NAGK: variants seen among roughly 807,000 people sequenced by gnomAD.
NAGK encodes the protein N-acetylglucosamine kinase.
A neutral mutation model predicts 42.9 loss-of-function variants in NAGK; 35 were observed. The observed-to-expected ratio is 0.82, with a 90% CI of 0.62 to 1.08. NAGK has a LOEUF of 1.08. Ranked by LOEUF, NAGK falls within the 50% of genes least tolerant of loss-of-function variation. The pLI, the probability that NAGK is intolerant of heterozygous loss-of-function variation, is 0.00. For synonymous variants in NAGK, 172 were observed against 176.0 expected (o/e 0.98, Z 0.18); for missense variants, 446 against 446.0 (o/e 1.00, Z 0.00).
chr2:71,071,341 A>C, intron 3 of NAGK: 1 of 324,736 alleles, frequency 3.1e-6, no homozygotes, highest in Non-Finnish European at 5.7e-6. Flanking sequence ...GATGTTCTGC[A>C]GACACAGGCA....
In NAGK at chr2:71,076,590, C is replaced by T; in HGVS notation, c.668-14C>T. On this transcript the variant is annotated splice_polypyrimidine_tract_variant and intron_variant, in intron 7 of 9. Transcript: ENST00000244204. Reference sequence around the variant, plus strand: ...TTTCTCACCAGTTTCCTTCTTCCGTCCTCCCTACCCCAGGTGCTCAGCAGG... The same window carrying T: ...TTTCTCACCAGTTTCCTTCTTCCGTTCTCCCTACCCCAGGTGCTCAGCAGG... The T allele has an allele frequency of 6.3e-7, 1 of 1,595,510 alleles. No homozygotes were observed.
At position 71,068,672 on chromosome 2, in the gene NAGK, G is replaced by C; in HGVS notation, c.-12G>C. 6.6e-7 allele frequency: 1 copy of C among 1,520,148 alleles called. No homozygotes were observed. Among genetic ancestry groups the C allele is most frequent in the Non-Finnish European group, 8.8e-7 (1 of 1,133,884 alleles). The allele number at this position is 1,520,148 out of a possible 1,614,324, so 94.2% of individuals were successfully genotyped here. On this transcript the variant is annotated 5_prime_UTR_variant, in exon 1 of 10. Transcript: ENST00000244204. Reference sequence around the variant, plus strand: ...CGCAAACGGCGGGACCAGCAGCGACGGTAGCAGCAGCATGGCCGCGATCTA... The same window carrying C: ...CGCAAACGGCGGGACCAGCAGCGACCGTAGCAGCAGCATGGCCGCGATCTA...
chr2:71,078,068 C>T (rs765249772), intron 9 of NAGK, among the ~76,000 whole-genome samples: 4 of 152,206 alleles, frequency 2.6e-5, no homozygotes, highest in African/African-American at 4.8e-5. Context: ...AGCTCAAGGA[C>T]TCCCATTGCT....
rs1312193773 is a variant in NAGK, at chr2:71,071,706, G to C, written c.234G>C (p.Gly78=). 6.2e-7 allele frequency: 1 copy of C among 1,613,550 alleles called. No individual in the cohort carries two copies. Among genetic ancestry groups the C allele is most frequent in the East Asian group, 2.2e-5 (1 of 44,874 alleles). Reference sequence around the variant, plus strand: ...CCTAGGGCCTATCTCTGAGCGGTGGGGACCAGGAGGACGCGGGGAGGATCC... The same window carrying C: ...CCTAGGGCCTATCTCTGAGCGGTGGCGACCAGGAGGACGCGGGGAGGATCC... ...LRSLGLSLSG[G]DQEDAGRILI... The change falls in exon 4 of 10, where the codon GGG becomes GGC. Residue 78 remains glycine (G), a synonymous_variant. Transcript: ENST00000244204.
intron 8 of NAGK, among the ~76,000 whole-genome samples, chr2:71,077,083 C>A (rs886268198): frequency 1.1e-4 from 16 of 152,176 alleles, no homozygotes; most frequent in African/African-American, 3.9e-4. Flanking sequence ...TCAAGTGATT[C>A]TCGTATCTCA....
chr2:71,077,352 C>T (rs1324949488), intron 8 of NAGK, among the ~76,000 whole-genome samples: 1 of 152,190 alleles, frequency 6.6e-6, no homozygotes, highest in Admixed American at 6.5e-5. Flanking sequence ...TGTTGCTTAA[C>T]GCTTTTTCCT....
At chr2:71,068,576 G>T, upstream of NAGK, 1 of 1,520,012 alleles carries the variant, frequency 6.6e-7, no homozygotes, top group South Asian at 1.2e-5. Flanking sequence ...TCAGCTGGCT[G>T]CGCGGGAGGT....
In NAGK at chr2:71,072,695, A is replaced by T. The variant is rs1180698312; in HGVS notation, c.410A>T (p.Asp137Val). The T allele has an allele frequency of 6.2e-7, 1 of 1,614,026 alleles. No individual in the cohort carries two copies. The highest frequency in any genetic ancestry group is 1.3e-5 in the African/African-American group (1 of 74,902). Residue 137 changes from aspartate (D) to valine (V), a missense_variant, in exon 5 of 10, where the codon GAT becomes GTT. By Grantham distance (152) the Asp-to-Val change is radical. Coordinates refer to ENST00000244204, the MANE Select transcript of NAGK (RefSeq NM_017567.6). ...TCCAACTGCAGGCTCATCAACCCTG[A>T]TGGCTCCGAGAGTGGCTGCGGCGGC... is the stretch of plus-strand genomic sequence containing the variant. ...TGSNCRLINP[D>V]GSESGCGGWG...
intron 8 of NAGK, among the ~76,000 whole-genome samples, chr2:71,077,211 C>T (rs924090223): frequency 6.6e-6 from 1 of 152,190 alleles, no homozygotes; most frequent in African/African-American, 2.4e-5. Context: ...GTGATCCACC[C>T]ACCTTGGCCC....
Position 71,075,564 on chromosome 2 carries a change from C to T in NAGK, c.589C>T (p.Arg197Trp), listed in dbSNP as rs142624273. 1.5e-5 allele frequency: 24 copies of T among 1,613,178 alleles called. No individual in the cohort carries two copies. The highest frequency in any genetic ancestry group is 2.7e-5 in the African/African-American group (2 of 74,884). Residue 197 changes from arginine (R) to tryptophan (W), a missense_variant, in exon 7 of 10, where the codon CGG (arginine) becomes TGG (tryptophan). Transcript: ENST00000244204. The stretch of plus-strand genomic sequence containing the variant: ...CCCTTTCTCCTCTCAGGTGCCAGAT[C>T]GGCTAGGGATACTCACTCACCTGTA... Reference protein sequence around the residue: ...AMFHYFQVPDRLGILTHLYRD... With the variant: ...AMFHYFQVPDWLGILTHLYRD...
intron 3 of NAGK, 122 bp downstream of exon 3, chr2:71,070,961 C>A: frequency 1.0e-6 from 1 of 970,416 alleles, no homozygotes; most frequent in Non-Finnish European, 1.6e-6. Flanking sequence ...TCCCTGGTGT[C>A]AAAACTGTCA....
At position 71,079,340 on chromosome 2, in the gene NAGK, A is replaced by C. The variant is rs1672328714; in HGVS notation, c.*832A>C. On this transcript the variant is annotated 3_prime_UTR_variant, in exon 10 of 10. Coordinates refer to ENST00000244204, the MANE Select transcript of NAGK (RefSeq NM_017567.6). ...AAGGCAAACCTGAAGCTTCGGTTCC[A>C]CAGCCTGTGCTGCTTGGTGAAGACT... 6.6e-6 allele frequency: 1 copy of C among 152,218 alleles called. No homozygotes were observed. The highest frequency in any genetic ancestry group is 2.4e-5 in the African/African-American group (1 of 41,444). The allele number at this position is 152,218 out of a possible 1,614,324, so 9.4% of individuals were successfully genotyped here. A position where few individuals can be genotyped will look rare whatever the true frequency, so the allele number is the denominator to read the frequency against.
intron 1 of NAGK, chr2:71,069,814 C>G (rs1671930665): frequency 3.2e-5 from 5 of 154,808 alleles, no homozygotes. Context: ...AAACATATAT[C>G]CCATCACCAC....
In NAGK at chr2:71,078,470, G is replaced by T. The variant is rs563867179; in HGVS notation, c.997G>T (p.Ala333Ser). ...IGHLLPMDYSANAIAFYSYTF... is the reference protein window; with the variant it reads ...IGHLLPMDYSSNAIAFYSYTF... Reference sequence around the variant, plus strand: ...GCACCTCCTCCCCATGGACTATAGCGCCAATGCCATTGCCTTCTATTCCTA... The same window carrying T: ...GCACCTCCTCCCCATGGACTATAGCTCCAATGCCATTGCCTTCTATTCCTA... The change falls in exon 10 of 10, where the codon GCC (alanine) becomes TCC (serine). Residue 333 changes from alanine to serine, a missense_variant. By Grantham distance (99) the Ala-to-Ser change is moderately conservative. Coordinates refer to ENST00000244204, the MANE Select transcript of NAGK (RefSeq NM_017567.6). 4.4e-6 allele frequency: 7 copies of T among 1,601,272 alleles called. No individual in the cohort carries two copies. Among genetic ancestry groups the T allele is most frequent in the Non-Finnish European group, 6.0e-6 (7 of 1,173,316 alleles).
At chr2:71,077,764 G>A (rs1425431996) in intron 9 of NAGK, 128 bp downstream of exon 9, 7 of 972,490 alleles carry the variant, frequency 7.2e-6, no homozygotes, top group South Asian at 1.5e-5. Flanking sequence ...GGCCACTGAT[G>A]CTCCCGTCTA....
chr2:71,070,349 C>T (rs748860330), intron 1 of NAGK, 153 bp from the exon 2 acceptor site: 1 of 603,254 alleles, frequency 1.7e-6, no homozygotes, highest in Non-Finnish European at 3.0e-6. Flanking sequence ...AGCACTCAAA[C>T]ACTGAACCAC....
chr2:71,078,093 G>A (rs113589311), intron 9 of NAGK, among the ~76,000 whole-genome samples: 3,153 of 152,282 alleles, frequency 0.021, 101 homozygotes, highest in African/African-American at 0.072. Flanking sequence ...TGGAATTCCT[G>A]GCATTGGGTC....
Position 71,070,551 on chromosome 2 carries a change from C to T in NAGK, c.79C>T (p.Leu27=), listed in dbSNP as rs1671962997. ...VLLVSEDGKI[L]AEADGLSTNH... ...TTTAGTCTCAGAGGATGGGAAGATCCTGGCAGAAGCAGATGGACTGAGCAC... is the reference window on the plus strand; with the variant it reads ...TTTAGTCTCAGAGGATGGGAAGATCTTGGCAGAAGCAGATGGACTGAGCAC... Residue 27 remains leucine, a synonymous_variant, in exon 2 of 10, where the codon CTG becomes TTG. Coordinates refer to ENST00000244204, the MANE Select transcript of NAGK (RefSeq NM_017567.6). 1 of 1,613,966 alleles carries T rather than the reference C, an allele frequency of 6.2e-7. No individual in the cohort carries two copies. Among genetic ancestry groups the T allele is most frequent in the Non-Finnish European group, 8.5e-7 (1 of 1,179,998 alleles).
chr2:71,073,801 G>A (rs1672116685), intron 6 of NAGK, among the ~76,000 whole-genome samples: 3 of 152,174 alleles, frequency 2.0e-5, no homozygotes, highest in South Asian at 2.1e-4. Context: ...CTAGGAGGGT[G>A]TCAGTCATGA....
Sources: gnomAD v4.1 joint callset for allele counts (sites outside exome capture counted in the v4.1 genomes callset) on GRCh38, gnomAD v4.1.1 for gene constraint, MANE v1.5 for transcripts, NCBI Gene and HGNC (gene_info 2026-07-23, HGNC 2026-07-21) for gene names.